PTPRD: variants seen among roughly 807,000 people sequenced by gnomAD.
The protein encoded by PTPRD is protein tyrosine phosphatase receptor type D.
A neutral mutation model predicts 214.5 loss-of-function variants in PTPRD; 34 were observed. The observed-to-expected ratio is 0.16, with a 90% CI of 0.12 to 0.21. The LOEUF is 0.21. Among genes scored for constraint, PTPRD ranks in the 10% least tolerant of loss-of-function variants. PTPRD has a pLI of 1.00. For synonymous variants in PTPRD, 1,128 were observed against 845.7 expected, an observed-to-expected ratio of 1.33 and a Z score of -5.79; for missense variants, 2,545 against 2,398.7, an observed-to-expected ratio of 1.06 and a Z score of -1.27.
chr9:8,675,916 T>G (rs906599210), intron 12 of PTPRD, among the ~76,000 whole-genome samples: 7 of 152,202 alleles, frequency 4.6e-5, no homozygotes, highest in Admixed American at 4.6e-4. Context: ...TACTTCCCTC[T>G]GTGACATACT....
chr9:9,819,844 A>G lies in PTPRD; in HGVS notation c.-367-52993T>C, dbSNP rs2050101752. Among the ~76,000 whole-genome samples, 3 of 152,256 alleles carry G rather than the reference A, an allele frequency of 2.0e-5. No individual in the cohort carries two copies. In the South Asian group the frequency reaches 6.2e-4, roughly 31 times the overall value. ...CACAATTTTTTTTTCTTTTATGGCT[A>G]TGCAGTATTCATGGTATATATGTAC... On this transcript the variant is annotated intron_variant, in intron 5 of 45. Coordinates refer to ENST00000381196, the MANE Select transcript of PTPRD (RefSeq NM_002839.4).
At chr9:8,923,413 A>G (rs1446585760) in intron 11 of PTPRD, among the ~76,000 whole-genome samples, 1 of 151,778 alleles carries the variant, frequency 6.6e-6, no homozygotes, top group Non-Finnish European at 1.5e-5. Flanking sequence ...TCATACCAAA[A>G]AGCTACATTC....
intron 9 of PTPRD, among the ~76,000 whole-genome samples, chr9:9,249,400 T>G (rs1041512157): frequency 2.6e-5 from 4 of 152,090 alleles, no homozygotes; most frequent in African/African-American, 9.7e-5. Context: ...TTTAGTGCAA[T>G]GCAAACAGAT....
At chr9:9,708,566 C>A (rs886826622) in intron 7 of PTPRD, among the ~76,000 whole-genome samples, 3 of 151,928 alleles carry the variant, frequency 2.0e-5, no homozygotes, top group Non-Finnish European at 2.9e-5. Flanking sequence ...ATTTTACTAA[C>A]ATAACTCTCA....
intron 3 of PTPRD, among the ~76,000 whole-genome samples, chr9:10,207,799 G>A (rs972243036): frequency 9.9e-5 from 15 of 151,462 alleles, no homozygotes; most frequent in African/African-American, 3.2e-4. Context: ...AAAAAATCCT[G>A]GAAGTAGGAA....
intron 2 of PTPRD, among the ~76,000 whole-genome samples, chr9:10,449,184 C>A (rs1396087286): frequency 6.6e-6 from 1 of 151,972 alleles, no homozygotes; most frequent in Non-Finnish European, 1.5e-5. Context: ...GGATTGCGGG[C>A]GGGTGCCGCC....
At chr9:9,223,881 T>A (rs191693155) in intron 9 of PTPRD, among the ~76,000 whole-genome samples, 1 of 152,132 alleles carries the variant, frequency 6.6e-6, no homozygotes, top group Non-Finnish European at 1.5e-5. Context: ...AAATGTCCAG[T>A]CCTTTTTCCT....
intron 2 of PTPRD, among the ~76,000 whole-genome samples, chr9:10,518,460 C>T (rs570156940): frequency 1.4e-4 from 21 of 152,144 alleles, no homozygotes; most frequent in African/African-American, 4.3e-4. Flanking sequence ...TGTTTCATTC[C>T]ATCAAGTTTA....
intron 9 of PTPRD, among the ~76,000 whole-genome samples, chr9:9,255,845 A>G (rs2099977476): frequency 6.6e-6 from 1 of 152,020 alleles, no homozygotes; most frequent in African/African-American, 2.4e-5. Flanking sequence ...ATTCGTACCT[A>G]GAACAATTCC....
At chr9:10,526,362 C>T (rs970882772) in intron 2 of PTPRD, among the ~76,000 whole-genome samples, 3 of 151,972 alleles carry the variant, frequency 2.0e-5, no homozygotes, top group Non-Finnish European at 2.9e-5. Flanking sequence ...TATCATTGAA[C>T]ACATTTTTAA....
chr9:9,171,055 A>G (rs918609849), intron 10 of PTPRD, among the ~76,000 whole-genome samples: 2 of 152,192 alleles, frequency 1.3e-5, no homozygotes, highest in African/African-American at 4.8e-5. Flanking sequence ...CCACCAGGGC[A>G]GCAGTACCAT....
intron 11 of PTPRD, among the ~76,000 whole-genome samples, chr9:8,918,792 C>G (rs1056526103): frequency 1.3e-5 from 2 of 152,074 alleles, no homozygotes; most frequent in Non-Finnish European, 2.9e-5. Flanking sequence ...GTTTATGACA[C>G]AATATTGTGG....
At chr9:9,778,249 GC>G (rs2098814398) in intron 5 of PTPRD, among the ~76,000 whole-genome samples, 1 of 152,128 alleles carries the variant, frequency 6.6e-6, no homozygotes. Context: ...GCCCCGAATG[GC>G]TCCTGGGAGA....
chr9:9,140,764 G>A (rs1267914271), intron 10 of PTPRD, among the ~76,000 whole-genome samples: 1 of 152,126 alleles, frequency 6.6e-6, no homozygotes, highest in East Asian at 1.9e-4. Flanking sequence ...GTTTTTAGTA[G>A]AGACGGGGTT....
rs535107726 is a variant in PTPRD at position 9,915,242 on chromosome 9, T to C, written c.-368+23265A>G. ...CCATTCGTATGAACATATCTTTCCA[T>C]ATGAAACTAACACCATAAAATTAAA... On this transcript the variant is annotated intron_variant, in intron 5 of 45. Coordinates refer to ENST00000381196, the MANE Select transcript of PTPRD (RefSeq NM_002839.4). 2.5e-4 allele frequency among the ~76,000 whole-genome samples: 38 copies of C among 152,198 alleles called. 2 individuals are homozygous for C. In the South Asian group the frequency reaches 7.7e-3, roughly 31 times the overall value.
At chr9:8,514,394 T>C (rs962000098) in intron 21 of PTPRD, among the ~76,000 whole-genome samples, 3 of 152,178 alleles carry the variant, frequency 2.0e-5, no homozygotes, top group African/African-American at 7.2e-5. Context: ...GATTTCTATG[T>C]TTAAACTGGT....
chr9:9,629,660 C>G lies in PTPRD; in HGVS notation c.-286-54879G>C, dbSNP rs1293025191. On this transcript the variant is annotated intron_variant, in intron 7 of 45. Coordinates refer to ENST00000381196, the MANE Select transcript of PTPRD (RefSeq NM_002839.4). ...AACTTGATCTAACAGATACCAACAA[C>G]AAACTACCTGTTGCTGTCTCTATCC... Among the ~76,000 whole-genome samples, 3 of 152,270 alleles carry G rather than the reference C, an allele frequency of 2.0e-5. No individual in the cohort carries two copies. In the South Asian group the frequency reaches 6.2e-4, roughly 32 times the overall value.
chr9:9,641,123 G>A (rs1175851848), intron 7 of PTPRD, among the ~76,000 whole-genome samples: 1 of 95,744 alleles, frequency 1.0e-5, no homozygotes, highest in East Asian at 2.5e-4. Flanking sequence ...CAATGGGGCA[G>A]AAGGGAATTG....
intron 3 of PTPRD, among the ~76,000 whole-genome samples, chr9:10,264,951 T>C (rs1412050929): frequency 6.6e-6 from 1 of 151,990 alleles, no homozygotes; most frequent in East Asian, 1.9e-4. Flanking sequence ...TTATAAGGGG[T>C]TTCCCCTTTC....
Sources: gnomAD v4.1 joint callset for allele counts (sites outside exome capture counted in the v4.1 genomes callset) on GRCh38, gnomAD v4.1.1 for gene constraint, MANE v1.5 for transcripts, NCBI Gene and HGNC (gene_info 2026-07-23, HGNC 2026-07-21) for gene names.